NFATC1: variants seen among roughly 807,000 people sequenced by gnomAD.
NFATC1 encodes the protein nuclear factor of activated T-cells, cytoplasmic 1.
NFATC1 carries 22 observed loss-of-function variants against 76.0 expected under a neutral mutation model. The observed-to-expected ratio is 0.29, with a 90% confidence interval of 0.21 to 0.41. The LOEUF (loss-of-function observed/expected upper bound fraction) is 0.41, where lower values mean the gene tolerates loss of function less well. Ranked by LOEUF, NFATC1 falls within the 10% of genes least tolerant of loss-of-function variation. The pLI, the probability that NFATC1 is intolerant of heterozygous loss-of-function variation, is 1.00. For missense variants in NFATC1, 1,357 were observed against 1,337.7 expected (o/e 1.01, Z -0.23); for synonymous variants, 704 against 613.1 (o/e 1.15, Z -2.19).
intron 1 of NFATC1, chr18:79,400,363 C>T (rs749991647): frequency 2.1e-5 from 30 of 1,399,076 alleles, no homozygotes; most frequent in Admixed American, 5.9e-5. Context: ...GCGACCCCGG[C>T]TCCCGCCCCG....
At position 79,515,425 on chromosome 18, in the gene NFATC1, G is replaced by GC. The variant is rs201815410; in HGVS notation, c.2783-12100dup. ...CAGCCACCTCCTTTGGGAGTCCCTG[G>GC]CCCACAGGATACCTGCAGTGGTGGT... On this transcript the variant is annotated intron_variant, in intron 9 of 9. Transcript: ENST00000427363. Among the ~76,000 whole-genome samples the GC allele has an allele frequency of 8.0e-3, 1,220 of 151,768 alleles. 17 individuals are homozygous for GC. Among genetic ancestry groups the GC allele is most frequent in the African/African-American group, 0.028 (1,151 of 41,320 alleles).
intron 9 of NFATC1, among the ~76,000 whole-genome samples, chr18:79,498,837 C>T (rs1030306214): frequency 2.6e-5 from 4 of 152,186 alleles, no homozygotes; most frequent in Non-Finnish European, 4.4e-5. Context: ...TATTGTGAAT[C>T]GTGGATGTCG....
chr18:79,485,377 C>G (rs2089463859), intron 8 of NFATC1, among the ~76,000 whole-genome samples: 1 of 152,244 alleles, frequency 6.6e-6, no homozygotes, highest in Non-Finnish European at 1.5e-5. Context: ...CACGAGAGGC[C>G]TGAGACCAAC....
intron 8 of NFATC1, chr18:79,469,473 T>G: frequency 2.0e-6 from 2 of 985,238 alleles, no homozygotes; most frequent in Non-Finnish European, 2.4e-6. Context: ...ATGAAGCCGG[T>G]GGGGCTGAGC....
At chr18:79,456,269 T>C (rs1171870777) in intron 6 of NFATC1, among the ~76,000 whole-genome samples, 2 of 152,026 alleles carry the variant, frequency 1.3e-5, no homozygotes, top group Non-Finnish European at 2.9e-5. Flanking sequence ...CCGCGGCGAG[T>C]GTGGGGTGCA....
chr18:79,465,445 C>G lies in NFATC1; in HGVS notation c.1960-2005C>G, dbSNP rs58499463. Among the ~76,000 whole-genome samples the G allele has an allele frequency of 7.8e-3, 1,188 of 151,564 alleles. 16 individuals are homozygous for G. The highest frequency in any genetic ancestry group is 0.027 in the African/African-American group (1,132 of 41,288). On this transcript the variant is annotated intron_variant, in intron 7 of 9. Coordinates refer to ENST00000427363, the MANE Select transcript of NFATC1 (RefSeq NM_001278669.2). This position sits in a 1 kb window ranked among gnomAD's most constrained non-coding sequence, Gnocchi z 4.2. ...TCCACCCAGTCTGGCCCACAAGGTC[C>G]CGCCTCCGCCCAGCCAGCCTGGCCC...
chr18:79,425,258 CCTGTCTCTGTCTCTCTCT>C (rs1279202039), intron 2 of NFATC1, among the ~76,000 whole-genome samples: 4 of 55,346 alleles, frequency 7.2e-5, no homozygotes, highest in South Asian at 7.1e-4. Flanking sequence ...TGTTTCTCTC[CCTGTCTCTGTCTCTCTCT>C]CTGTCTGTCT....
At chr18:79,423,289 G>C (rs772935761) in intron 2 of NFATC1, among the ~76,000 whole-genome samples, 1 of 152,212 alleles carries the variant, frequency 6.6e-6, no homozygotes, top group Admixed American at 6.5e-5. Flanking sequence ...GCGCGCTCCC[G>C]GTCTGTGGCT....
At chr18:79,414,232 A>C (rs1339877176) in intron 2 of NFATC1, among the ~76,000 whole-genome samples, 1 of 152,194 alleles carries the variant, frequency 6.6e-6, no homozygotes, top group African/African-American at 2.4e-5. Flanking sequence ...GCAGGCGTGG[A>C]AAATGTCACC....
At chr18:79,489,628 G>C (rs73496389) in intron 9 of NFATC1, among the ~76,000 whole-genome samples, 1 of 152,142 alleles carries the variant, frequency 6.6e-6, no homozygotes, top group Non-Finnish European at 1.5e-5. Context: ...CCCCAAACTC[G>C]GATCGAATGG....
intron 6 of NFATC1, among the ~76,000 whole-genome samples, chr18:79,458,851 T>G (rs1007159400): frequency 3.3e-5 from 5 of 152,256 alleles, no homozygotes; most frequent in Admixed American, 2.6e-4. Flanking sequence ...ATTTCCATCT[T>G]TCAGCAGTCT....
At chr18:79,441,923 C>T (rs2086992273) in intron 3 of NFATC1, among the ~76,000 whole-genome samples, 1 of 152,186 alleles carries the variant, frequency 6.6e-6, no homozygotes, top group East Asian at 1.9e-4. Flanking sequence ...GCAGAATCTT[C>T]TTCAGCCAAA....
chr18:79,518,269 G>A (rs914740269), intron 9 of NFATC1, among the ~76,000 whole-genome samples: 5 of 152,350 alleles, frequency 3.3e-5, no homozygotes, highest in Middle Eastern at 3.4e-3. Flanking sequence ...CAGCCGCTGC[G>A]TCCAATGACA....
intron 4 of NFATC1, among the ~76,000 whole-genome samples, chr18:79,449,536 C>CGAG (rs988513090): frequency 2.6e-5 from 4 of 152,188 alleles, no homozygotes; most frequent in Non-Finnish European, 5.9e-5. Context: ...TGAAGGCAGC[C>CGAG]GAGGAGGAGG....
intron 9 of NFATC1, among the ~76,000 whole-genome samples, chr18:79,511,017 G>A (rs756618450): frequency 5.9e-5 from 9 of 152,216 alleles, no homozygotes; most frequent in Non-Finnish European, 1.2e-4. Context: ...GGTCGCTGGC[G>A]AGGCCTGGCG....
chr18:79,459,005 G>A (rs890374120), intron 6 of NFATC1, among the ~76,000 whole-genome samples: 2 of 152,350 alleles, frequency 1.3e-5, no homozygotes, highest in East Asian at 1.9e-4. Context: ...GACCTGAAAC[G>A]GCCACAGACG....
chr18:79,431,923 A>G (rs948039081), intron 2 of NFATC1, among the ~76,000 whole-genome samples: 7 of 152,048 alleles, frequency 4.6e-5, no homozygotes, highest in African/African-American at 1.7e-4. Flanking sequence ...GGATGGTCTC[A>G]ATCTCCTGAC....
intron 2 of NFATC1, among the ~76,000 whole-genome samples, chr18:79,419,435 G>T (rs971566562): frequency 7.0e-6 from 1 of 143,286 alleles, no homozygotes; most frequent in African/African-American, 2.6e-5. Context: ...GTCAGAACCT[G>T]CCCGGGAGCC....
In NFATC1 at chr18:79,464,214, C is replaced by T. The variant is rs556066501; in HGVS notation, c.1959+2848C>T. Among the ~76,000 whole-genome samples, 14 of 152,204 alleles carry T rather than the reference C, an allele frequency of 9.2e-5. 1 individual carries two copies. Among genetic ancestry groups the T allele is most frequent in the South Asian group, 6.2e-4 (3 of 4,810 alleles). On this transcript the variant is annotated intron_variant, in intron 7 of 9. Coordinates refer to ENST00000427363, the MANE Select transcript of NFATC1 (RefSeq NM_001278669.2). ...AAGCGATTCTCATGCCTCAGTCTCC[C>T]GAGTATCTAGGACTACAGGCGCCGG...
Sources: allele counts gnomAD v4.1 joint callset (sites outside exome capture counted in the v4.1 genomes callset), GRCh38; gene constraint gnomAD v4.1.1; non-coding constraint Gnocchi (gnomAD v3.1); transcripts MANE v1.5; gene names NCBI Gene and HGNC (gene_info 2026-07-23, HGNC 2026-07-21).